Variants in ZPLD1 observed in about 807,000 individuals in gnomAD.
The protein encoded by ZPLD1 is zona pellucida like domain containing 1.
Under a neutral mutation model 47.2 loss-of-function variants are expected in ZPLD1, and 34 were observed. The observed-to-expected ratio is 0.72, with a 90% CI of 0.55 to 0.96. The LOEUF (loss-of-function observed/expected upper bound fraction) is 0.96, where lower values mean the gene tolerates loss of function less well. ZPLD1 is among the 40% of genes least tolerant of loss of function. The pLI is 0.00. For synonymous variants in ZPLD1, 176 were observed against 186.2 expected (o/e 0.95, Z 0.45); for missense variants, 512 against 505.8 (o/e 1.01, Z -0.12).
At chr3:102,388,052 G>C (rs1023165236) in intron 6 of ZPLD1, among the ~76,000 whole-genome samples, 16 of 151,962 alleles carry the variant, frequency 1.1e-4, no homozygotes, top group African/African-American at 3.9e-4. Context: ...AGTAGAGACG[G>C]GGTTTCACCG....
At chr3:102,455,943 G>A (rs55925410) in intron 4 of ZPLD1, among the ~76,000 whole-genome samples, 20,022 of 152,092 alleles carry the variant, frequency 0.13, 1,396 homozygotes, top group Middle Eastern at 0.17. Flanking sequence ...GTAACCCTTC[G>A]AACCTATAAT....
intron 7 of ZPLD1, among the ~76,000 whole-genome samples, chr3:102,411,382 G>GT (rs1028454532): frequency 6.6e-6 from 1 of 151,790 alleles, no homozygotes. Context: ...AGTAAGCTGG[G>GT]TAGGAATAAA....
At chr3:102,465,420 A>G (rs1409362233) in intron 8 of ZPLD1, among the ~76,000 whole-genome samples, 1 of 152,196 alleles carries the variant, frequency 6.6e-6, no homozygotes, top group East Asian at 1.9e-4. Flanking sequence ...AAAATAATTG[A>G]TTCTTTAACA....
intron 3 of ZPLD1, among the ~76,000 whole-genome samples, chr3:102,445,425 A>G (rs1707242375): frequency 6.6e-6 from 1 of 152,186 alleles, no homozygotes; most frequent in South Asian, 2.1e-4. Flanking sequence ...TGTAAATCAG[A>G]CAAATAGATA....
At position 102,477,660 on chromosome 3, in the gene ZPLD1, A is replaced by G; in HGVS notation, c.*42A>G. 6.5e-7 allele frequency: 1 copy of G among 1,533,492 alleles called. No individual in the cohort carries two copies. Among genetic ancestry groups the G allele is most frequent in the Non-Finnish European group, 8.8e-7 (1 of 1,137,410 alleles). The allele number at this position is 1,533,492 out of a possible 1,614,324, so 95.0% of individuals were successfully genotyped here. On this transcript the variant is annotated 3_prime_UTR_variant, in exon 12 of 12. Coordinates refer to ENST00000466937, the MANE Select transcript of ZPLD1 (RefSeq NM_001329788.2). Reference sequence around the variant, plus strand: ...CTCTCTGGAGAAGGCTTCACTGACTAAACTATGTGTGACTGCAGTCAGTGT... The same window carrying G: ...CTCTCTGGAGAAGGCTTCACTGACTGAACTATGTGTGACTGCAGTCAGTGT...
rs767071660 is a variant in ZPLD1, at chr3:102,459,089, CAAAAAAAA to C, written c.582+1259_582+1266del. 5.4e-4 allele frequency among the ~76,000 whole-genome samples: 14 copies of C among 25,838 alleles called. No homozygotes were observed. In the East Asian group the frequency reaches 0.022, roughly 40 times the overall value. The allele number at this position is 25,838 out of a possible 152,430, so 17.0% of individuals were successfully genotyped here. On this transcript the variant is annotated intron_variant, in intron 6 of 11. Transcript: ENST00000466937. ...TGGGAGACAGAGCGAGACTCCGTCTCAAAAAAAAAAAAAAAAAAAAAAAAAAAAAAGGA... is the reference window on the plus strand; with the variant it reads ...TGGGAGACAGAGCGAGACTCCGTCTCAAAAAAAAAAAAAAAAAAAAAAGGA...
At chr3:102,386,094 AT>A (rs776484976) in intron 6 of ZPLD1, among the ~76,000 whole-genome samples, 2 of 151,852 alleles carry the variant, frequency 1.3e-5, no homozygotes, top group Non-Finnish European at 2.9e-5. Flanking sequence ...TCCTTGACTG[AT>A]TTTTTTTCTC....
intron 7 of ZPLD1, among the ~76,000 whole-genome samples, chr3:102,408,041 A>C (rs62274724): frequency 0.15 from 22,361 of 151,802 alleles, 1,681 homozygotes; most frequent in Middle Eastern, 0.18. Flanking sequence ...AGAAACTTAA[A>C]GAAAGTGCTT....
At chr3:102,434,158 A>C (rs1009920758), upstream of ZPLD1, among the ~76,000 whole-genome samples, 2 of 152,232 alleles carry the variant, frequency 1.3e-5, no homozygotes, top group Admixed American at 1.3e-4. Flanking sequence ...ATGAGTAAAA[A>C]TTAAATCTAT....
chr3:102,405,340 C>T (rs1706669160), intron 7 of ZPLD1, among the ~76,000 whole-genome samples: 1 of 151,962 alleles, frequency 6.6e-6, no homozygotes, highest in South Asian at 2.1e-4. Flanking sequence ...ACCTAAGAAT[C>T]TAAAGAGAAG....
chr3:102,458,414 C>A (rs947346769), intron 6 of ZPLD1, among the ~76,000 whole-genome samples: 1 of 152,106 alleles, frequency 6.6e-6, no homozygotes, highest in African/African-American at 2.4e-5. Context: ...ACATGGATTT[C>A]TATTTATACC....
intron 10 of ZPLD1, among the ~76,000 whole-genome samples, chr3:102,473,990 T>C (rs1385460918): frequency 6.6e-6 from 1 of 152,212 alleles, no homozygotes; most frequent in Non-Finnish European, 1.5e-5. Context: ...AACCACTCCT[T>C]TTCCCTAGAC....
At chr3:102,396,266 T>A (rs1706556342) in intron 7 of ZPLD1, among the ~76,000 whole-genome samples, 2 of 152,204 alleles carry the variant, frequency 1.3e-5, no homozygotes, top group African/African-American at 4.8e-5. Context: ...TTGCATTACC[T>A]GTTTGTAACA....
chr3:102,467,306 C>T (rs549964693), intron 8 of ZPLD1, among the ~76,000 whole-genome samples: 18 of 151,992 alleles, frequency 1.2e-4, no homozygotes, highest in African/African-American at 4.3e-4. Flanking sequence ...TGAAAAAATA[C>T]ATTAATAGAG....
At chr3:102,446,674 A>G (rs979669330) in intron 3 of ZPLD1, among the ~76,000 whole-genome samples, 3 of 152,116 alleles carry the variant, frequency 2.0e-5, no homozygotes, top group Admixed American at 2.0e-4. Flanking sequence ...TCTTCTAATC[A>G]CTTCCTTATA....
chr3:102,470,524 T>C, intron 10 of ZPLD1, 22 bp downstream of exon 10: 1 of 1,597,728 alleles, frequency 6.3e-7, no homozygotes, highest in Middle Eastern at 1.7e-4. Flanking sequence ...CCTCCTTCTG[T>C]ATGTAGTAAT....
At chr3:102,448,433 C>T (rs572944488) in intron 3 of ZPLD1, among the ~76,000 whole-genome samples, 2 of 152,082 alleles carry the variant, frequency 1.3e-5, no homozygotes, top group Admixed American at 6.5e-5. Flanking sequence ...CAGAAATTGC[C>T]CTTTGGCAAC....
At chr3:102,410,400 T>C (rs1020211741) in intron 7 of ZPLD1, among the ~76,000 whole-genome samples, 2 of 151,832 alleles carry the variant, frequency 1.3e-5, no homozygotes, top group East Asian at 1.9e-4. Flanking sequence ...TACTATAATG[T>C]TAATCTTTAA....
chr3:102,394,697 G>A (rs895590833), intron 7 of ZPLD1, among the ~76,000 whole-genome samples: 3 of 152,100 alleles, frequency 2.0e-5, no homozygotes, highest in Admixed American at 6.6e-5. Flanking sequence ...CTGTGTCTCT[G>A]AACATCACCT....
Sources: allele counts gnomAD v4.1 joint callset (sites outside exome capture counted in the v4.1 genomes callset), GRCh38; gene constraint gnomAD v4.1.1; transcripts MANE v1.5; gene names NCBI Gene and HGNC (gene_info 2026-07-23, HGNC 2026-07-21).